FIGN: variants seen among roughly 807,000 people sequenced by gnomAD.
The protein encoded by FIGN is fidgetin.
FIGN carries 11 observed loss-of-function variants against 51.3 expected under a neutral mutation model. The observed-to-expected ratio is 0.21, with a 90% CI of 0.13 to 0.35. The LOEUF (loss-of-function observed/expected upper bound fraction) is 0.35. FIGN is among the 10% of genes least tolerant of loss of function. The probability of loss-of-function intolerance (pLI) is 1.00; values close to 1 mark genes in which losing one functional copy is unlikely to be tolerated. For synonymous variants in FIGN, 407 were observed against 363.2 expected (o/e 1.12, Z -1.37); for missense variants, 857 against 943.6 (o/e 0.91, Z 1.20).
intron 2 of FIGN, among the ~76,000 whole-genome samples, chr2:163,635,081 T>A (rs774553992): frequency 1.6e-3 from 242 of 152,340 alleles, no homozygotes; most frequent in Non-Finnish European, 3.0e-3. Flanking sequence ...ATGATTGATA[T>A]TTGCTATTAA....
At chr2:163,628,325 G>A (rs931148371) in intron 2 of FIGN, among the ~76,000 whole-genome samples, 4 of 152,150 alleles carry the variant, frequency 2.6e-5, no homozygotes, top group Non-Finnish European at 5.9e-5. Context: ...TAGAGAGAGA[G>A]GAGGTTTCCT....
At chr2:163,625,457 T>G (rs775423264) in intron 2 of FIGN, among the ~76,000 whole-genome samples, 4 of 152,032 alleles carry the variant, frequency 2.6e-5, no homozygotes, top group Non-Finnish European at 4.4e-5. Context: ...GCAGCACTAT[T>G]TACTAAGCTC....
At chr2:163,717,678 G>A (rs969087448) in intron 2 of FIGN, among the ~76,000 whole-genome samples, 3 of 152,152 alleles carry the variant, frequency 2.0e-5, no homozygotes, top group African/African-American at 4.8e-5. Context: ...ATTTCTATTC[G>A]CTTTGTGCCA....
Position 163,624,133 on chromosome 2 carries a change from G to T in FIGN, c.26-12327C>A, listed in dbSNP as rs923525369. Among the ~76,000 whole-genome samples, 3 of 151,970 alleles carry T rather than the reference G, an allele frequency of 2.0e-5. No homozygotes were observed. The East Asian group carries it at 5.8e-4, about 29-fold the overall frequency. On this transcript the variant is annotated intron_variant, in intron 2 of 2. Transcript: ENST00000333129. ...TTTAAAAATATCAAAATCAAGTTTG[G>T]CATCTAATGAACATTCCCTTATGCT...
intron 2 of FIGN, among the ~76,000 whole-genome samples, chr2:163,690,638 T>C (rs1262383272): frequency 6.6e-6 from 1 of 152,030 alleles, no homozygotes; most frequent in African/African-American, 2.4e-5. Flanking sequence ...AAACAGGATA[T>C]ATGTAAATAT....
chr2:163,681,308 T>C (rs935946225), intron 2 of FIGN, among the ~76,000 whole-genome samples: 5 of 152,202 alleles, frequency 3.3e-5, no homozygotes, highest in Admixed American at 2.0e-4. Context: ...GGAATGGTCC[T>C]TGGAGTTCAT....
rs937303768 is a variant in FIGN at position 163,605,011 on chromosome 2, A to G, written c.*4541T>C. The G allele has an allele frequency of 1.5e-5, 2 of 135,212 alleles. No individual in the cohort carries two copies. Among genetic ancestry groups the G allele is most frequent in the Non-Finnish European group, 1.5e-5 (1 of 66,054 alleles). 8.4% of individuals were successfully genotyped at this position (135,212 alleles called of 1,614,324 possible). Reference sequence around the variant, plus strand: ...TGCTCCCAACCTTGGTGTACTACAGAACCATTTTATAAATATTTAACATTC... The same window carrying G: ...TGCTCCCAACCTTGGTGTACTACAGGACCATTTTATAAATATTTAACATTC... On this transcript the variant is annotated 3_prime_UTR_variant, in exon 3 of 3. Coordinates refer to ENST00000333129, the MANE Select transcript of FIGN (RefSeq NM_018086.4).
At chr2:163,709,474 G>A (rs1684553716) in intron 2 of FIGN, among the ~76,000 whole-genome samples, 2 of 152,110 alleles carry the variant, frequency 1.3e-5, no homozygotes, top group Admixed American at 1.3e-4. Flanking sequence ...CTACAGCCCA[G>A]GCCAGATAAT....
chr2:163,621,164 G>GTTA (rs1417375090), intron 2 of FIGN, among the ~76,000 whole-genome samples: 1 of 152,126 alleles, frequency 6.6e-6, no homozygotes, highest in African/African-American at 2.4e-5. Flanking sequence ...GAGTAAGAAT[G>GTTA]TTATTCACAT....
At chr2:163,713,301 C>T (rs1382632642) in intron 2 of FIGN, among the ~76,000 whole-genome samples, 3 of 152,038 alleles carry the variant, frequency 2.0e-5, no homozygotes, top group East Asian at 1.9e-4. Flanking sequence ...GAATCAAGTT[C>T]GGTAAAGGTG....
At chr2:163,615,103 C>A (rs910942936) in intron 2 of FIGN, among the ~76,000 whole-genome samples, 1 of 152,110 alleles carries the variant, frequency 6.6e-6, no homozygotes, top group African/African-American at 2.4e-5. Context: ...ACTGGATACA[C>A]CATTGCCTTT....
intron 2 of FIGN, among the ~76,000 whole-genome samples, chr2:163,635,646 T>A (rs967603307): frequency 6.6e-6 from 1 of 152,214 alleles, no homozygotes; most frequent in African/African-American, 2.4e-5. Flanking sequence ...TTAAAATTTG[T>A]TATAGATTAA....
At chr2:163,660,039 T>A (rs1206565474) in intron 2 of FIGN, among the ~76,000 whole-genome samples, 1 of 151,804 alleles carries the variant, frequency 6.6e-6, no homozygotes, top group Non-Finnish European at 1.5e-5. Flanking sequence ...AGGCAGAGGC[T>A]GCAATGAGTC....
intron 2 of FIGN, among the ~76,000 whole-genome samples, chr2:163,626,896 A>G (rs796531777): frequency 3.3e-5 from 5 of 152,280 alleles, no homozygotes; most frequent in African/African-American, 1.2e-4. Flanking sequence ...ATAATACATT[A>G]GAATGCTAAG....
intron 2 of FIGN, among the ~76,000 whole-genome samples, chr2:163,669,919 G>A (rs1249597094): frequency 6.6e-6 from 1 of 152,054 alleles, no homozygotes; most frequent in South Asian, 2.1e-4. Flanking sequence ...TTAAATTCTC[G>A]ATCGTAACCT....
intron 2 of FIGN, among the ~76,000 whole-genome samples, chr2:163,681,832 G>A (rs183654725): frequency 4.0e-4 from 61 of 152,308 alleles, no homozygotes; most frequent in African/African-American, 1.5e-3. Context: ...GAGAATGCTA[G>A]AATGACTGCT....
chr2:163,688,398 A>G (rs1027047062), intron 2 of FIGN, among the ~76,000 whole-genome samples: 1 of 152,230 alleles, frequency 6.6e-6, no homozygotes, highest in Non-Finnish European at 1.5e-5. Flanking sequence ...GGAAAAGATT[A>G]GAAGTGAAGG....
At chr2:163,616,059 T>C (rs1682870742) in intron 2 of FIGN, among the ~76,000 whole-genome samples, 1 of 130,130 alleles carries the variant, frequency 7.7e-6, no homozygotes, top group South Asian at 2.3e-4. Flanking sequence ...TGACTCCATG[T>C]ATATATAAAT....
chr2:163,603,221 A>G lies in FIGN; in HGVS notation c.*6331T>C, dbSNP rs1186560529. 5 of 152,132 alleles carry G rather than the reference A, an allele frequency of 3.3e-5. No homozygotes were observed. The highest frequency in any genetic ancestry group is 1.2e-4 in the African/African-American group (5 of 41,460). 9.4% of individuals were successfully genotyped at this position (152,132 alleles called of 1,614,324 possible). A position where few individuals can be genotyped will look rare whatever the true frequency, so the allele number is the denominator to read the frequency against. On this transcript the variant is annotated 3_prime_UTR_variant, in exon 3 of 3. Coordinates refer to ENST00000333129, the MANE Select transcript of FIGN (RefSeq NM_018086.4). The stretch of plus-strand genomic sequence containing the variant: ...TAACACATTTAGTTTCAGCAGATGT[A>G]AAATAATGCACACAAAAAAATGATT...
Sources: gnomAD v4.1 joint callset for allele counts (sites outside exome capture counted in the v4.1 genomes callset) on GRCh38, gnomAD v4.1.1 for gene constraint, MANE v1.5 for transcripts, NCBI Gene and HGNC (gene_info 2026-07-23, HGNC 2026-07-21) for gene names.